The following TTC6 variants were observed in gnomAD, a reference collection of about 807,000 sequenced individuals.
The protein encoded by TTC6 is tetratricopeptide repeat domain 6.
TTC6 carries 172 observed loss-of-function variants against 210.4 expected under a neutral mutation model. The observed-to-expected ratio is 0.82, with a 90% CI of 0.72 to 0.93. The LOEUF is 0.93. TTC6 is among the 40% of genes least tolerant of loss of function. The pLI is 0.00. For synonymous variants in TTC6, 804 were observed against 819.6 expected (o/e 0.98, Z 0.32); for missense variants, 2,414 against 2,318.1 (o/e 1.04, Z -0.85).
chr14:37,626,363 C>G (rs1042536417), intron 1 of TTC6, among the ~76,000 whole-genome samples: 4 of 152,062 alleles, frequency 2.6e-5, no homozygotes, highest in Admixed American at 2.0e-4. Flanking sequence ...TCATATAACT[C>G]AAAAGGAAAA....
At chr14:37,769,390 C>A (rs1420695037) in intron 14 of TTC6, among the ~76,000 whole-genome samples, 1 of 151,860 alleles carries the variant, frequency 6.6e-6, no homozygotes, top group Admixed American at 6.6e-5. Context: ...CCAGTTCCTC[C>A]TTGTACCTCT....
intron 29 of TTC6, among the ~76,000 whole-genome samples, chr14:37,840,802 T>G (rs756369104): frequency 1.7e-4 from 26 of 152,160 alleles, no homozygotes; most frequent in Non-Finnish European, 3.2e-4. Context: ...TTCTTTTCTA[T>G]TTTATGCTTT....
chr14:37,645,605 C>A (rs1296674393), intron 1 of TTC6, among the ~76,000 whole-genome samples: 4 of 152,102 alleles, frequency 2.6e-5, no homozygotes, highest in Non-Finnish European at 4.4e-5. Context: ...TCACATTGAG[C>A]AGAAGTCTGA....
At chr14:37,816,787 G>A (rs1595306599) in intron 25 of TTC6, among the ~76,000 whole-genome samples, 1 of 152,064 alleles carries the variant, frequency 6.6e-6, no homozygotes, top group Non-Finnish European at 1.5e-5. Context: ...TAAATGTAGC[G>A]ATGTTCTTAT....
chr14:37,787,401 A>G, intron 14 of TTC6, 67 bp from the exon 17 acceptor site: 1 of 1,093,112 alleles, frequency 9.1e-7, no homozygotes, highest in Non-Finnish European at 1.2e-6. Flanking sequence ...AATTAGTTGT[A>G]CAGGTTTACC....
At chr14:37,709,946 A>G (rs1042151413) in intron 5 of TTC6, among the ~76,000 whole-genome samples, 3 of 152,194 alleles carry the variant, frequency 2.0e-5, no homozygotes, top group South Asian at 2.1e-4. Flanking sequence ...CTGTAAGTTA[A>G]TGTTTTTCAA....
intron 20 of TTC6, among the ~76,000 whole-genome samples, chr14:37,800,272 C>T (rs1458525996): frequency 1.3e-5 from 2 of 152,132 alleles, no homozygotes. Flanking sequence ...AAAATTTTCT[C>T]ATTTAGTTGT....
intron 14 of TTC6, among the ~76,000 whole-genome samples, chr14:37,775,215 A>G (rs542802673): frequency 6.6e-5 from 10 of 152,208 alleles, no homozygotes; most frequent in African/African-American, 2.4e-4. Flanking sequence ...ATGGCTTTTC[A>G]CATCTCAATT....
chr14:37,773,162 A>G (rs750090143), intron 14 of TTC6, among the ~76,000 whole-genome samples: 2 of 152,092 alleles, frequency 1.3e-5, no homozygotes, highest in South Asian at 4.1e-4. Context: ...GATTCTGGAT[A>G]TTAGACCTTT....
intron 7 of TTC6, among the ~76,000 whole-genome samples, chr14:37,731,084 G>C (rs954518170): frequency 2.6e-5 from 4 of 152,174 alleles, no homozygotes; most frequent in African/African-American, 9.7e-5. Context: ...CTCAAGCACT[G>C]AATTAGTTGA....
At chr14:37,757,616 C>G (rs1347893677) in intron 14 of TTC6, among the ~76,000 whole-genome samples, 1 of 151,940 alleles carries the variant, frequency 6.6e-6, no homozygotes, top group East Asian at 1.9e-4. Context: ...ATTTGTTAAT[C>G]TTAAAAAATA....
chr14:37,755,965 A>C (rs2095966395), intron 14 of TTC6, among the ~76,000 whole-genome samples: 1 of 152,104 alleles, frequency 6.6e-6, no homozygotes, highest in African/African-American at 2.4e-5. Context: ...TTTCATGATA[A>C]TGATTCTTCC....
At chr14:37,803,454 C>T (rs556620457) in intron 20 of TTC6, among the ~76,000 whole-genome samples, 13 of 152,230 alleles carry the variant, frequency 8.5e-5, no homozygotes, top group African/African-American at 3.1e-4. Flanking sequence ...CTGCAGATGT[C>T]CCTCAGATGA....
intron 1 of TTC6, among the ~76,000 whole-genome samples, chr14:37,603,599 C>T (rs1412186296): frequency 6.6e-6 from 1 of 152,166 alleles, no homozygotes; most frequent in African/African-American, 2.4e-5. Flanking sequence ...CACTGCCTGT[C>T]GTCTCCAAAG....
chr14:37,754,994 C>T (rs2095963201), intron 14 of TTC6, among the ~76,000 whole-genome samples: 1 of 152,198 alleles, frequency 6.6e-6, no homozygotes. Context: ...CTATCTTCCA[C>T]AATGGTTGAA....
intron 2 of TTC6, among the ~76,000 whole-genome samples, chr14:37,609,755 A>G (rs377751174): frequency 2.6e-5 from 4 of 152,144 alleles, no homozygotes; most frequent in African/African-American, 9.7e-5. Flanking sequence ...ATTTTTGTGC[A>G]GCATTCGGGA....
chr14:37,812,452 T>C lies in TTC6; in HGVS notation c.4689+19T>C, dbSNP rs1424524457. On this transcript the variant is annotated intron_variant, in intron 25 of 30. Transcript: ENST00000553443. ...ACTAGAGGTAAGCCTTCCTGTTGTG[T>C]AACCCACTTGATTTTGCACATTGAC... 1.9e-6 allele frequency: 3 copies of C among 1,564,338 alleles called. No homozygotes were observed. The highest frequency in any genetic ancestry group is 4.6e-5 in the East Asian group (2 of 43,328).
Position 37,663,985 on chromosome 14 carries a change from G to GAGA in TTC6, c.940-16166_940-16165insAGA, listed in dbSNP as rs1555384841. The stretch of plus-strand genomic sequence containing the variant: ...TCTTCAAGGAGAACTATAAACCACT[G>GAGA]CTCAAAGAAATCAGAGATGACCCAA... On this transcript the variant is annotated intron_variant, in intron 1 of 30. Coordinates refer to ENST00000553443, the Ensembl canonical transcript of TTC6. Among the ~76,000 whole-genome samples, 500 of 148,328 alleles carry GAGA rather than the reference G, an allele frequency of 3.4e-3. 20 individuals carry two copies. The highest frequency in any genetic ancestry group is 5.7e-3 in the Non-Finnish European group (374 of 65,474).
chr14:37,780,910 A>G (rs2096052898), intron 14 of TTC6, among the ~76,000 whole-genome samples: 1 of 152,132 alleles, frequency 6.6e-6, no homozygotes, highest in African/African-American at 2.4e-5. Flanking sequence ...TAGTTTGCTA[A>G]GAACGATGAT....
Sources: allele counts gnomAD v4.1 joint callset (sites outside exome capture counted in the v4.1 genomes callset), GRCh38; gene constraint gnomAD v4.1.1; transcripts MANE v1.5; gene names NCBI Gene and HGNC (gene_info 2026-07-23, HGNC 2026-07-21).